PLCG2: variants seen among roughly 807,000 people sequenced by gnomAD.
PLCG2 encodes 1-phosphatidylinositol 4,5-bisphosphate phosphodiesterase gamma-2.
Under a neutral mutation model 175.6 loss-of-function variants are expected in PLCG2, and 69 were observed. That is an observed-to-expected ratio of 0.39 (90% CI 0.32 to 0.48). The LOEUF is 0.48. Ranked by LOEUF, PLCG2 falls within the 20% of genes least tolerant of loss-of-function variation. The probability of loss-of-function intolerance (pLI) is 0.91; values close to 1 mark genes in which losing one functional copy is unlikely to be tolerated. For synonymous variants in PLCG2, 827 were observed against 624.0 expected, an observed-to-expected ratio of 1.33 and a Z score of -4.85; for missense variants, 1,798 against 1,650.9, an observed-to-expected ratio of 1.09 and a Z score of -1.54.
rs146153806 is a variant in PLCG2, at chr16:81,935,855, C to T, written c.2843-314C>T. 3.1e-4 allele frequency: 309 copies of T among 985,214 alleles called. 4 individuals are homozygous for T. The East Asian group carries it at 0.029, about 92-fold the overall frequency. 61.0% of individuals were successfully genotyped at this position (985,214 alleles called of 1,614,324 possible). A position where few individuals can be genotyped will look rare whatever the true frequency, so the allele number is the denominator to read the frequency against. On this transcript the variant is annotated intron_variant, in intron 26 of 32. Transcript: ENST00000564138. ...CCTACCCAAAACCATTCCCATTCTC[C>T]CTCTTCTATAACTGTACCACTTTTG...
At chr16:81,847,980 T>A (rs758502935) in intron 2 of PLCG2, among the ~76,000 whole-genome samples, 1 of 152,214 alleles carries the variant, frequency 6.6e-6, no homozygotes, top group East Asian at 1.9e-4. Flanking sequence ...CAGCAAGTTA[T>A]TCTGTGGGTA....
At chr16:81,853,600 A>C (rs1906532456) in intron 2 of PLCG2, among the ~76,000 whole-genome samples, 1 of 152,186 alleles carries the variant, frequency 6.6e-6, no homozygotes, top group Non-Finnish European at 1.5e-5. Flanking sequence ...CGCCCCTATG[A>C]GAATCTGATG....
At chr16:81,835,345 C>T (rs557054461) in intron 2 of PLCG2, among the ~76,000 whole-genome samples, 1 of 151,986 alleles carries the variant, frequency 6.6e-6, no homozygotes, top group African/African-American at 2.4e-5. Context: ...CCTGTAATCC[C>T]AGCACTTTGG....
intron 10 of PLCG2, 60 bp downstream of exon 10, chr16:81,889,333 C>T: frequency 1.1e-6 from 1 of 892,732 alleles, no homozygotes; most frequent in Non-Finnish European, 1.8e-6. Context: ...TCTGTGCTTT[C>T]TGAGGTTTAT....
chr16:81,847,444 G>A (rs192631787), intron 2 of PLCG2, among the ~76,000 whole-genome samples: 53 of 152,104 alleles, frequency 3.5e-4, no homozygotes, highest in Non-Finnish European at 1.6e-4. Flanking sequence ...GGGTAGGGCT[G>A]AAAGTTCCAA....
chr16:81,895,730 G>T, intron 12 of PLCG2, 77 bp from the exon 13 acceptor site: 2 of 1,541,796 alleles, frequency 1.3e-6, no homozygotes, highest in South Asian at 2.3e-5. Flanking sequence ...AACTGAACTG[G>T]TGTGTGGGCC....
chr16:81,860,419 A>C (rs1198931205), intron 5 of PLCG2, among the ~76,000 whole-genome samples: 2 of 151,988 alleles, frequency 1.3e-5, no homozygotes, highest in African/African-American at 2.4e-5. Flanking sequence ...CTCAGAAACG[A>C]ATACCAGCAG....
chr16:81,925,748 C>T (rs186631219), intron 22 of PLCG2, among the ~76,000 whole-genome samples: 1 of 152,104 alleles, frequency 6.6e-6, no homozygotes, highest in Admixed American at 6.5e-5. Flanking sequence ...ATTAGCCAGG[C>T]ATGGTGGCCC....
chr16:81,803,633 TTCCCTCCCTCCCTCCCTCCC>T (rs61352183), intron 2 of PLCG2, among the ~76,000 whole-genome samples: 5 of 88,572 alleles, frequency 5.6e-5, no homozygotes, highest in South Asian at 6.5e-4. Context: ...TCTTTTCTTC[TTCCCTCCCTCCCTCCCTCCC>T]TCCCTCCCTC....
At chr16:81,804,409 A>G (rs960495279) in intron 2 of PLCG2, among the ~76,000 whole-genome samples, 6 of 152,128 alleles carry the variant, frequency 3.9e-5, no homozygotes, top group African/African-American at 1.4e-4. Flanking sequence ...GTCTTCTGGC[A>G]TGGGGTTGGT....
At chr16:81,937,584 G>C in intron 27 of PLCG2, 174 bp from the exon 28 acceptor site, 1 of 461,138 alleles carries the variant, frequency 2.2e-6, no homozygotes, top group Non-Finnish European at 3.8e-6. Flanking sequence ...TCCCCAGTCT[G>C]GGAGTTTGCT....
chr16:81,925,339 A>G (rs1910219079), intron 22 of PLCG2, among the ~76,000 whole-genome samples: 1 of 152,192 alleles, frequency 6.6e-6, no homozygotes, highest in South Asian at 2.1e-4. Flanking sequence ...TGTCTGAACC[A>G]AGATGCTCCT....
chr16:81,858,625 G>C lies in PLCG2; in HGVS notation c.431+269G>C, dbSNP rs187228488. 2.1e-4 allele frequency among the ~76,000 whole-genome samples: 32 copies of C among 152,252 alleles called. No homozygotes were observed. The East Asian group carries it at 5.6e-3, about 27-fold the overall frequency. ...AGATAGAAACATTCCTGGGGTATGT[G>C]CTGGGGGAAAACAGGGCTTCCTTCT... On this transcript the variant is annotated intron_variant, in intron 4 of 32. Transcript: ENST00000564138.
intron 13 of PLCG2, chr16:81,897,927 C>T (rs371827612): frequency 8.9e-6 from 4 of 451,084 alleles, no homozygotes; most frequent in South Asian, 3.1e-5. Flanking sequence ...AAATTATGGA[C>T]GTCTTTTCGC....
chr16:81,800,256 G>C (rs1379310217), intron 2 of PLCG2, among the ~76,000 whole-genome samples: 1 of 151,998 alleles, frequency 6.6e-6, no homozygotes, highest in African/African-American at 2.4e-5. Flanking sequence ...AGAATGTGTG[G>C]GATACATAGG....
At chr16:81,942,011 G>T (rs1329506140) in intron 30 of PLCG2, among the ~76,000 whole-genome samples, 1 of 152,226 alleles carries the variant, frequency 6.6e-6, no homozygotes, top group East Asian at 1.9e-4. Context: ...GCTTAGGAAT[G>T]ACACCAATTC....
chr16:81,855,868 C>G (rs1305962773), intron 3 of PLCG2, among the ~76,000 whole-genome samples: 1 of 152,032 alleles, frequency 6.6e-6, no homozygotes, highest in Non-Finnish European at 1.5e-5. Flanking sequence ...GAGCGAATGT[C>G]TGACTGATGA....
rs879174616 is a variant in PLCG2, at chr16:81,919,750, G to T, written c.2235+86G>T. ...GTTCATGAATTCAGCAAACCTCTGA[G>T]TATTCACCATGTATCTGATACTGCT... On this transcript the variant is annotated intron_variant, in intron 20 of 32. Transcript: ENST00000564138. 3.1e-5 allele frequency: 36 copies of T among 1,159,838 alleles called. No individual in the cohort carries two copies. In the South Asian group the frequency reaches 4.5e-4, roughly 14 times the overall value. The allele number at this position is 1,159,838 out of a possible 1,614,324, so 71.8% of individuals were successfully genotyped here.
intron 11 of PLCG2, among the ~76,000 whole-genome samples, chr16:81,893,191 A>G (rs1908719382): frequency 6.6e-6 from 1 of 152,118 alleles, no homozygotes; most frequent in Non-Finnish European, 1.5e-5. Flanking sequence ...GTTGGGGTGA[A>G]TCATGACAAG....
Sources: gnomAD v4.1 joint callset for allele counts (sites outside exome capture counted in the v4.1 genomes callset) on GRCh38, gnomAD v4.1.1 for gene constraint, MANE v1.5 for transcripts, NCBI Gene and HGNC (gene_info 2026-07-23, HGNC 2026-07-21) for gene names.